Variants in RYR2 observed in about 807,000 individuals in gnomAD.
RYR2 encodes the protein ryanodine receptor 2.
A neutral mutation model predicts 601.1 loss-of-function variants in RYR2; 227 were observed. That is an observed-to-expected ratio of 0.38 (90% CI 0.34 to 0.42). The LOEUF (loss-of-function observed/expected upper bound fraction) is 0.42, where lower values mean the gene tolerates loss of function less well. RYR2 is among the 10% of genes least tolerant of loss of function. The pLI is 1.00. For synonymous variants in RYR2, 2,223 were observed against 2,175.1 expected (o/e 1.02, Z -0.61); for missense variants, 4,646 against 6,156.5 (o/e 0.75, Z 8.21).
intron 1 of RYR2, among the ~76,000 whole-genome samples, chr1:237,201,862 G>A (rs774069033): frequency 3.9e-5 from 6 of 152,098 alleles, no homozygotes; most frequent in Non-Finnish European, 7.4e-5. Flanking sequence ...TTCAGGATTT[G>A]TTTGATAGGC....
rs1159127867 is a variant in RYR2, at chr1:237,784,365, A to G, written c.12653A>G (p.Lys4218Arg). 6.2e-7 allele frequency: 1 copy of G among 1,613,964 alleles called. No homozygotes were observed. The highest frequency in any genetic ancestry group is 1.7e-5 in the Admixed American group (1 of 60,020). ...GACTTGAACGAGAGGTCAGCGAATA[A>G]GGAAGAAAGCGAGAAGGAGAGGCCG... ...ESDLNERSAN[K>R]EESEKERPEE... The change falls in exon 90 of 105, where the codon AAG becomes AGG. Residue 4218 changes from lysine (K) to arginine (R), a missense_variant. Lys to Arg is a conservative substitution (Grantham distance 26). Transcript: ENST00000366574. This position sits in a 1 kb window ranked among gnomAD's most constrained non-coding sequence, Gnocchi z 7.1.
chr1:237,703,378 C>A (rs916811324), intron 66 of RYR2, among the ~76,000 whole-genome samples: 19 of 151,370 alleles, frequency 1.3e-4, no homozygotes, highest in African/African-American at 4.1e-4. Flanking sequence ...CATCTACTTG[C>A]TATTTTTTTC....
At chr1:237,529,972 A>G (rs1378439695) in intron 24 of RYR2, among the ~76,000 whole-genome samples, 1 of 152,144 alleles carries the variant, frequency 6.6e-6, no homozygotes, top group Non-Finnish European at 1.5e-5. Context: ...TCCCTTACTC[A>G]GAAATGAATA....
intron 67 of RYR2, among the ~76,000 whole-genome samples, chr1:237,706,333 C>G (rs938837395): frequency 6.6e-6 from 1 of 152,024 alleles, no homozygotes; most frequent in Non-Finnish European, 1.5e-5. Context: ...AAAGGCTGGG[C>G]ACATTGATGT....
chr1:237,441,017 A>G (rs986827360), intron 12 of RYR2, among the ~76,000 whole-genome samples: 1 of 152,156 alleles, frequency 6.6e-6, no homozygotes, highest in African/African-American at 2.4e-5. Flanking sequence ...AAAATCCACA[A>G]AAACCCAGGA....
intron 41 of RYR2, among the ~76,000 whole-genome samples, chr1:237,628,790 T>TA (rs1267528729): frequency 2.6e-5 from 4 of 151,810 alleles, no homozygotes; most frequent in Admixed American, 6.6e-5. Flanking sequence ...TTTAATACAT[T>TA]AAAAAAATAA....
intron 12 of RYR2, among the ~76,000 whole-genome samples, chr1:237,438,439 A>T (rs1707601997): frequency 1.3e-5 from 2 of 152,094 alleles, no homozygotes. Flanking sequence ...TTTTTTTCTG[A>T]AGAGTGATTT....
At chr1:237,386,125 G>T (rs1379776066) in intron 8 of RYR2, among the ~76,000 whole-genome samples, 1 of 152,148 alleles carries the variant, frequency 6.6e-6, no homozygotes, top group Non-Finnish European at 1.5e-5. Context: ...TGAGGTTGAG[G>T]AGAGGAATAA....
chr1:237,793,355 T>C (rs1658688720), intron 94 of RYR2, among the ~76,000 whole-genome samples: 1 of 152,202 alleles, frequency 6.6e-6, no homozygotes, highest in Non-Finnish European at 1.5e-5. Flanking sequence ...CATTATGTTC[T>C]GGAAATATTT....
Position 237,063,306 on chromosome 1 carries a change from G to A in RYR2, c.48+20737G>A, listed in dbSNP as rs144618537. Among the ~76,000 whole-genome samples, 356 of 152,202 alleles carry A rather than the reference G, an allele frequency of 2.3e-3. 1 individual carries two copies. The highest frequency in any genetic ancestry group is 6.9e-3 in the African/African-American group (286 of 41,536). On this transcript the variant is annotated intron_variant, in intron 1 of 104. Transcript: ENST00000366574. The stretch of plus-strand genomic sequence containing the variant: ...GCCACCAGGTCTGTGGGACTTTGTT[G>A]TAGCAGTTTGAACTATGATATTTAT...
intron 51 of RYR2, among the ~76,000 whole-genome samples, chr1:237,651,755 A>T (rs1682754008): frequency 6.6e-6 from 1 of 152,194 alleles, no homozygotes; most frequent in Non-Finnish European, 1.5e-5. Flanking sequence ...AAAGGACCAC[A>T]GGCCGGGCGC....
At chr1:237,137,068 G>A (rs190511801) in intron 1 of RYR2, among the ~76,000 whole-genome samples, 10 of 149,010 alleles carry the variant, frequency 6.7e-5, no homozygotes, top group East Asian at 2.0e-4. Flanking sequence ...CTAGATTCCC[G>A]TAGCCAGTGG....
intron 65 of RYR2, 75 bp downstream of exon 65, chr1:237,700,542 G>A: frequency 1.4e-6 from 1 of 720,372 alleles, no homozygotes; most frequent in Non-Finnish European, 2.3e-6. Flanking sequence ...AACAGTAATA[G>A]CCACATCTGG....
intron 88 of RYR2, among the ~76,000 whole-genome samples, chr1:237,779,544 C>T (rs537359510): frequency 2.0e-5 from 3 of 152,328 alleles, no homozygotes; most frequent in African/African-American, 7.2e-5. Context: ...GCTGCCATGA[C>T]TTGTTCCACC....
rs1683419269 is a variant in RYR2 at position 237,658,023 on chromosome 1, G to A, written c.8208+1G>A. On this transcript the variant is annotated splice_donor_variant, in intron 54 of 104. Transcript: ENST00000366574. LOFTEE classifies it high-confidence loss of function. ...CCATGACAAATGGTCAATGGACAAG[G>A]TAAAAAGAGTATTACATTCTAATTC... The A allele has an allele frequency of 6.8e-7, 1 of 1,463,530 alleles. No individual in the cohort carries two copies. Among genetic ancestry groups the A allele is most frequent in the Non-Finnish European group, 9.2e-7 (1 of 1,092,038 alleles). The allele number at this position is 1,463,530 out of a possible 1,614,324, so 90.7% of individuals were successfully genotyped here. A position where few individuals can be genotyped will look rare whatever the true frequency, so the allele number is the denominator to read the frequency against.
Position 237,454,568 on chromosome 1 carries a change from G to A in RYR2, c.1470G>A (p.Gln490=), listed in dbSNP as rs752945105. The A allele has an allele frequency of 6.2e-7, 1 of 1,612,812 alleles. No homozygotes were observed. Among genetic ancestry groups the A allele is most frequent in the South Asian group, 1.1e-5 (1 of 91,012 alleles). ...RALKNRQNLF[Q]EEGMINLVLE... ...TGAAGAATCGGCAAAATCTCTTCCA[G>A]GAAGAGGTCCGTTTCTATCAACACT... The change falls in exon 15 of 105, where the codon CAG becomes CAA. Residue 490 remains glutamine, a synonymous_variant. Coordinates refer to ENST00000366574, the MANE Select transcript of RYR2 (RefSeq NM_001035.3).
intron 48 of RYR2, among the ~76,000 whole-genome samples, chr1:237,647,048 A>G (rs1163574404): frequency 6.6e-6 from 1 of 152,204 alleles, no homozygotes; most frequent in Non-Finnish European, 1.5e-5. Context: ...AGGCACAGCT[A>G]CGGTTTAAGA....
intron 1 of RYR2, among the ~76,000 whole-genome samples, chr1:237,181,689 T>G (rs1478659386): frequency 1.3e-5 from 2 of 152,246 alleles, no homozygotes; most frequent in Non-Finnish European, 2.9e-5. Context: ...TGAAAATCAC[T>G]GCTGCACAAT....
chr1:237,424,400 A>G (rs1705913062), intron 12 of RYR2, among the ~76,000 whole-genome samples: 1 of 152,142 alleles, frequency 6.6e-6, no homozygotes, highest in Admixed American at 6.5e-5. Context: ...AAAAAAACGT[A>G]TTACTTTGTT....
Sources: allele counts gnomAD v4.1 joint callset (sites outside exome capture counted in the v4.1 genomes callset), GRCh38; gene constraint gnomAD v4.1.1; non-coding constraint Gnocchi (gnomAD v3.1); transcripts MANE v1.5; gene names NCBI Gene and HGNC (gene_info 2026-07-23, HGNC 2026-07-21).